SETDB1: variants seen among roughly 807,000 people sequenced by gnomAD.
SETDB1 encodes SET domain bifurcated histone lysine methyltransferase 1.
Under a neutral mutation model 137.4 loss-of-function variants are expected in SETDB1, and 31 were observed. The ratio of observed to expected loss-of-function variants is 0.23; its 90% confidence interval spans 0.17 to 0.30. The LOEUF (loss-of-function observed/expected upper bound fraction) is 0.30, where lower values mean the gene tolerates loss of function less well. Among genes scored for constraint, SETDB1 ranks in the 10% least tolerant of loss-of-function variants. The pLI, the probability that SETDB1 is intolerant of heterozygous loss-of-function variation, is 1.00. For synonymous variants in SETDB1, 548 were observed against 579.9 expected (o/e 0.95, Z 0.79); for missense variants, 1,113 against 1,631.5 (o/e 0.68, Z 5.47).
intron 3 of SETDB1, among the ~76,000 whole-genome samples, chr1:150,930,724 G>A (rs57376891): frequency 0.072 from 10,863 of 151,536 alleles, 1,327 homozygotes; most frequent in African/African-American, 0.25. Flanking sequence ...TTTTAGTAGA[G>A]ACAGGGTTTC....
At chr1:150,945,600 C>T (rs1190379094) in intron 9 of SETDB1, among the ~76,000 whole-genome samples, 1 of 152,150 alleles carries the variant, frequency 6.6e-6, no homozygotes, top group Non-Finnish European at 1.5e-5. Context: ...GCTTGCAGAA[C>T]AAGGCTACCT....
chr1:150,926,656 TG>T (rs1669529674), intron 1 of SETDB1, 139 bp downstream of exon 1: 2 of 486,992 alleles, frequency 4.1e-6, no homozygotes, highest in Non-Finnish European at 8.4e-6. Context: ...GGTTTGCGAA[TG>T]GGTAGGACGC....
chr1:150,960,844 C>T lies in SETDB1; in HGVS notation c.2785C>T (p.Arg929Trp), dbSNP rs746536604. The T allele has an allele frequency of 1.2e-6, 2 of 1,604,216 alleles. No individual in the cohort carries two copies. Among genetic ancestry groups the T allele is most frequent in the Non-Finnish European group, 1.7e-6 (2 of 1,175,152 alleles). Residue 929 changes from arginine (R) to tryptophan (W), a missense_variant, in exon 16 of 22, where the codon CGG becomes TGG. Physicochemically the swap from Arg to Trp is moderately radical, Grantham distance 101. Transcript: ENST00000692827. Reference sequence around the variant, plus strand: ...TTCAGTGTGGCGGAGCTATGCTACCCGGAGGCAGACCCGGGGCCAGAAAGA... The same window carrying T: ...TTCAGTGTGGCGGAGCTATGCTACCTGGAGGCAGACCCGGGGCCAGAAAGA... ...TSSVWRSYAT[R>W]RQTRGQKENG...
At chr1:150,958,625 A>G (rs587772912) in intron 14 of SETDB1, among the ~76,000 whole-genome samples, 76 of 152,288 alleles carry the variant, frequency 5.0e-4, no homozygotes, top group African/African-American at 1.8e-3. Context: ...GAATGAAAGA[A>G]TGAAAATCAA....
chr1:150,939,188 G>A (rs976499843), intron 3 of SETDB1, among the ~76,000 whole-genome samples: 7 of 150,794 alleles, frequency 4.6e-5, no homozygotes, highest in Non-Finnish European at 8.8e-5. Flanking sequence ...CTGACATTAG[G>A]TGATCCACCC....
At chr1:150,962,093 T>C in intron 16 of SETDB1, 37 bp from the exon 17 acceptor site, 1 of 1,613,388 alleles carries the variant, frequency 6.2e-7, no homozygotes, top group Non-Finnish European at 8.5e-7. Flanking sequence ...TACCCGAGGC[T>C]GTGAAAGCAT....
At chr1:150,929,465 G>A (rs953821742) in intron 2 of SETDB1, among the ~76,000 whole-genome samples, 4 of 151,452 alleles carry the variant, frequency 2.6e-5, no homozygotes, top group Admixed American at 6.6e-5. Context: ...TGCAGCCTCC[G>A]CCTCCCGAGT....
chr1:150,963,500 G>T (rs781594296), intron 19 of SETDB1, 30 bp from the exon 20 acceptor site: 6 of 1,552,976 alleles, frequency 3.9e-6, no homozygotes, highest in Non-Finnish European at 3.5e-6. Flanking sequence ...AGTTGGGATG[G>T]GTCCTGACCC....
At position 150,948,539 on chromosome 1, in the gene SETDB1, G is replaced by A. The variant is rs587671969; in HGVS notation, c.1268-583G>A. On this transcript the variant is annotated intron_variant, in intron 10 of 21. Transcript: ENST00000692827. ...GCCCGCCTCAGCCTCCCAAAGTGCT[G>A]GGATTAAAGGCATGAGCCACCGCGC... Among the ~76,000 whole-genome samples, 9 of 152,070 alleles carry A rather than the reference G, an allele frequency of 5.9e-5. No homozygotes were observed. The East Asian group carries it at 9.7e-4, about 16-fold the overall frequency.
Position 150,946,979 on chromosome 1 carries a change from A to C in SETDB1, c.1234A>C (p.Lys412Gln), listed in dbSNP as rs1403697179. 1 of 1,614,180 alleles carries C rather than the reference A, an allele frequency of 6.2e-7. No individual in the cohort carries two copies. Among genetic ancestry groups the C allele is most frequent in the Non-Finnish European group, 8.5e-7 (1 of 1,180,016 alleles). ...KTSSASALEK[K>Q]QGQLRTRPNM... is the part of the protein sequence containing the mutation. ...ATCCTCAGCCTCTGCACTGGAGAAG[A>C]AGCAAGGACAGCTCAGGACACGTCC... The change falls in exon 10 of 22, where the codon AAG (lysine) becomes CAG (glutamine). Residue 412 changes from lysine to glutamine, a missense_variant. Coordinates refer to ENST00000692827, the MANE Select transcript of SETDB1 (RefSeq NM_001366418.1).
Position 150,964,444 on chromosome 1 carries a change from G to C in SETDB1, c.*80G>C. On this transcript the variant is annotated 3_prime_UTR_variant, in exon 22 of 22. Coordinates refer to ENST00000692827, the MANE Select transcript of SETDB1 (RefSeq NM_001366418.1). The stretch of plus-strand genomic sequence containing the variant: ...CTTCCTGATTGTTGAACCCTGACCC[G>C]AAGTCTCTGGGCTAGCTACTCCCCC... The C allele has an allele frequency of 9.8e-7, 1 of 1,016,068 alleles. No homozygotes were observed. Among genetic ancestry groups the C allele is most frequent in the South Asian group, 1.3e-5 (1 of 74,298 alleles). The allele number at this position is 1,016,068 out of a possible 1,614,324, so 62.9% of individuals were successfully genotyped here.
chr1:150,963,128 A>C lies in SETDB1; in HGVS notation c.3449A>C (p.Lys1150Thr). 1 of 1,612,446 alleles carries C rather than the reference A, an allele frequency of 6.2e-7. No homozygotes were observed. The highest frequency in any genetic ancestry group is 8.5e-7 in the Non-Finnish European group (1 of 1,178,756). ...GAAGGGGATGACTTTGAGGACAAGA[A>C]GAACATGACTGGTAGCCTGGAAAAA... is the stretch of plus-strand genomic sequence containing the variant. Reference protein sequence around the residue: ...GSEGDDFEDKKNMTGPMKRQV... With the variant: ...GSEGDDFEDKTNMTGPMKRQV... The change falls in exon 19 of 22, where the codon AAG becomes ACG. Residue 1150 changes from lysine (K) to threonine (T), a missense_variant. By Grantham distance (78) the Lys-to-Thr change is moderately conservative. Coordinates refer to ENST00000692827, the MANE Select transcript of SETDB1 (RefSeq NM_001366418.1).
chr1:150,949,400 G>A lies in SETDB1; in HGVS notation c.1458G>A (p.Lys486=). The A allele has an allele frequency of 6.2e-7, 1 of 1,614,198 alleles. No individual in the cohort carries two copies. The highest frequency in any genetic ancestry group is 8.5e-7 in the Non-Finnish European group (1 of 1,180,046). ...AAAGCCAGCTTGCCCAGTCACGGAA[G>A]CAGGTAGCCAAAAAGAGCACGTCCT... ...SLESQLAQSR[K]QVAKKSTSFR... Residue 486 remains lysine (K), a synonymous_variant, in exon 12 of 22, where the codon AAG becomes AAA. Transcript: ENST00000692827.
At chr1:150,936,048 G>A (rs918424697) in intron 3 of SETDB1, among the ~76,000 whole-genome samples, 11 of 152,074 alleles carry the variant, frequency 7.2e-5, no homozygotes, top group African/African-American at 2.2e-4. Context: ...GTGCAATGGC[G>A]CAATCTCGGC....
At chr1:150,941,281 C>G in intron 4 of SETDB1, 48 bp from the exon 5 acceptor site, 1 of 1,011,584 alleles carries the variant, frequency 9.9e-7, no homozygotes, top group South Asian at 1.3e-5. Flanking sequence ...TTATTTGTAA[C>G]CCATGCTACT....
chr1:150,949,073 A>G, intron 10 of SETDB1, 49 bp from the exon 11 acceptor site: 1 of 1,544,496 alleles, frequency 6.5e-7, no homozygotes. Context: ...ACTGAATACA[A>G]GCGTCATAGC....
intron 2 of SETDB1, among the ~76,000 whole-genome samples, chr1:150,929,064 G>A (rs1486841506): frequency 6.6e-6 from 1 of 152,174 alleles, no homozygotes; most frequent in Non-Finnish European, 1.5e-5. Flanking sequence ...ACGTGTGCAT[G>A]TGTCTTTATA....
chr1:150,936,177 GACAGGGTTTC>G (rs1199291503), intron 3 of SETDB1, among the ~76,000 whole-genome samples: 6 of 151,944 alleles, frequency 3.9e-5, no homozygotes, highest in Admixed American at 3.9e-4. Context: ...TTTTAGTAGA[GACAGGGTTTC>G]ACCATGTTAG....
At chr1:150,940,114 A>G in intron 4 of SETDB1, 140 bp downstream of exon 4, 1 of 544,920 alleles carries the variant, frequency 1.8e-6, no homozygotes, top group Non-Finnish European at 3.3e-6. Context: ...CAGTCCTCTG[A>G]TTGATGCTGT....
Sources: allele counts gnomAD v4.1 joint callset (sites outside exome capture counted in the v4.1 genomes callset), GRCh38; gene constraint gnomAD v4.1.1; transcripts MANE v1.5; gene names NCBI Gene and HGNC (gene_info 2026-07-23, HGNC 2026-07-21).